SUV39H2: variants seen among roughly 807,000 people sequenced by gnomAD.
SUV39H2 encodes the protein histone-lysine N-methyltransferase SUV39H2.
A neutral mutation model predicts 47.5 loss-of-function variants in SUV39H2; 10 were observed. That is an observed-to-expected ratio of 0.21 (90% CI 0.13 to 0.36). The LOEUF is 0.36. Ranked by LOEUF, SUV39H2 falls within the 10% of genes least tolerant of loss-of-function variation. SUV39H2 has a pLI of 1.00. For synonymous variants in SUV39H2, 159 were observed against 166.8 expected (o/e 0.95, Z 0.36); for missense variants, 266 against 487.4 (o/e 0.55, Z 4.28).
At chr10:14,901,306 G>A in intron 5 of SUV39H2, 44 bp downstream of exon 5, 4 of 1,610,444 alleles carry the variant, frequency 2.5e-6, no homozygotes, top group Non-Finnish European at 3.4e-6. Flanking sequence ...GTTTCAATAT[G>A]AAGAATCAAA....
chr10:14,883,098 A>C lies in SUV39H2; in HGVS notation c.177+1453A>C, dbSNP rs193230691. Among the ~76,000 whole-genome samples the C allele has an allele frequency of 5.8e-3, 881 of 151,868 alleles. 22 individuals are homozygous for C. The highest frequency in any genetic ancestry group is 0.051 in the Admixed American group (779 of 15,274). ...TGGCCAGGCTGGTCTCAAACTCCTG[A>C]CCTCATGATCTGCCCGCCTTGGCCT... On this transcript the variant is annotated intron_variant, in intron 2 of 5. Transcript: ENST00000354919.
In SUV39H2 at chr10:14,894,602, C is replaced by T. The variant is rs1302497468; in HGVS notation, c.178-2244C>T. Among the ~76,000 whole-genome samples, 7 of 57,840 alleles carry T rather than the reference C, an allele frequency of 1.2e-4. 2 individuals are homozygous for T. The highest frequency in any genetic ancestry group is 1.2e-3 in the East Asian group (2 of 1,656). The allele number at this position is 57,840 out of a possible 152,430, so 37.9% of individuals were successfully genotyped here. A position where few individuals can be genotyped will look rare whatever the true frequency, so the allele number is the denominator to read the frequency against. On this transcript the variant is annotated intron_variant, in intron 2 of 5. Transcript: ENST00000354919. Reference sequence around the variant, plus strand: ...CAAGATGGTCTCGATCTCCTGACCTCGTGATCCGCCCGCCTCGGCCTCCCA... The same window carrying T: ...CAAGATGGTCTCGATCTCCTGACCTTGTGATCCGCCCGCCTCGGCCTCCCA...
At chr10:14,892,751 C>T (rs185468355) in intron 2 of SUV39H2, among the ~76,000 whole-genome samples, 34 of 152,130 alleles carry the variant, frequency 2.2e-4, no homozygotes, top group African/African-American at 1.9e-4. Context: ...CGTTCATATA[C>T]TTATTATAGA....
In SUV39H2 at chr10:14,894,529, G is replaced by A. The variant is rs1480488169; in HGVS notation, c.178-2317G>A. On this transcript the variant is annotated intron_variant, in intron 2 of 5. Coordinates refer to ENST00000354919, the MANE Select transcript of SUV39H2 (RefSeq NM_001193424.2). Reference sequence around the variant, plus strand: ...ACTACAGGCGCCCGCCACCACGCCCGGCTAATTTTTTGTATTTTTAGTAGA... The same window carrying A: ...ACTACAGGCGCCCGCCACCACGCCCAGCTAATTTTTTGTATTTTTAGTAGA... Among the ~76,000 whole-genome samples, 4 of 112,470 alleles carry A rather than the reference G, an allele frequency of 3.6e-5. 1 individual carries two copies. Among genetic ancestry groups the A allele is most frequent in the Non-Finnish European group, 6.7e-5 (4 of 59,736 alleles). The allele number at this position is 112,470 out of a possible 152,430, so 73.8% of individuals were successfully genotyped here.
At chr10:14,882,725 A>G (rs1401003021) in intron 2 of SUV39H2, among the ~76,000 whole-genome samples, 1 of 152,150 alleles carries the variant, frequency 6.6e-6, no homozygotes, top group African/African-American at 2.4e-5. Flanking sequence ...TTTCTGCTGA[A>G]GACCTCCTAC....
At chr10:14,896,783 T>A (rs1373244043) in intron 2 of SUV39H2, 63 bp from the exon 3 acceptor site, 2 of 1,385,688 alleles carry the variant, frequency 1.4e-6, no homozygotes, top group Non-Finnish European at 1.9e-6. Flanking sequence ...GATTTTTAAT[T>A]ATTTTTGGTA....
chr10:14,886,001 A>T (rs1236982978), intron 2 of SUV39H2, among the ~76,000 whole-genome samples: 1 of 152,172 alleles, frequency 6.6e-6, no homozygotes, highest in African/African-American at 2.4e-5. Flanking sequence ...GTTCTTTATC[A>T]TCTGGCCACC....
chr10:14,896,311 A>G (rs757209328), intron 2 of SUV39H2, among the ~76,000 whole-genome samples: 12 of 152,224 alleles, frequency 7.9e-5, no homozygotes, highest in Non-Finnish European at 1.8e-4. Context: ...CAGTAGCTGT[A>G]TGTGGCTCGT....
chr10:14,878,935 G>T lies in SUV39H2; in HGVS notation c.31+16G>T, dbSNP rs574513663. 4 of 1,461,294 alleles carry T rather than the reference G, an allele frequency of 2.7e-6. No individual in the cohort carries two copies. In the East Asian group the frequency reaches 9.0e-5, roughly 33 times the overall value. 90.5% of individuals were successfully genotyped at this position (1,461,294 alleles called of 1,614,324 possible). A position where few individuals can be genotyped will look rare whatever the true frequency, so the allele number is the denominator to read the frequency against. ...GCGCGAGGAGGTGAGGCTGGAGCGC[G>T]GCCCCCTCGCCTTCCCTGTTCCCAG... On this transcript the variant is annotated intron_variant, in intron 1 of 5. Transcript: ENST00000354919.
Position 14,888,622 on chromosome 10 carries a change from G to A in SUV39H2, c.177+6977G>A, listed in dbSNP as rs1485420970. ...CTGCACTCCAACCTGGTGACAGAGCGAGACTCGGTCTCAAAAAAAAAAAGA... is the reference window on the plus strand; with the variant it reads ...CTGCACTCCAACCTGGTGACAGAGCAAGACTCGGTCTCAAAAAAAAAAAGA... On this transcript the variant is annotated intron_variant, in intron 2 of 5. Coordinates refer to ENST00000354919, the MANE Select transcript of SUV39H2 (RefSeq NM_001193424.2). 3.3e-5 allele frequency among the ~76,000 whole-genome samples: 5 copies of A among 151,470 alleles called. No individual in the cohort carries two copies. The East Asian group carries it at 7.7e-4, about 23-fold the overall frequency.
intron 3 of SUV39H2, chr10:14,899,184 G>A (rs1163193549): frequency 1.4e-6 from 1 of 701,706 alleles, no homozygotes; most frequent in Non-Finnish European, 2.6e-6. Flanking sequence ...AGCTGGGCAT[G>A]GCGGTATGCA....
At chr10:14,880,329 G>A (rs1249865222) in intron 1 of SUV39H2, among the ~76,000 whole-genome samples, 1 of 152,156 alleles carries the variant, frequency 6.6e-6, no homozygotes, top group Non-Finnish European at 1.5e-5. Flanking sequence ...GAAAGGGGCC[G>A]GAAAAGTTAT....
intron 2 of SUV39H2, among the ~76,000 whole-genome samples, chr10:14,885,760 T>G (rs545148567): frequency 6.6e-6 from 1 of 152,302 alleles, no homozygotes; most frequent in Admixed American, 6.5e-5. Flanking sequence ...TTTCTTCTCT[T>G]TCTCTTTCTT....
chr10:14,900,456 G>T (rs1203995965), intron 4 of SUV39H2, among the ~76,000 whole-genome samples: 4 of 152,154 alleles, frequency 2.6e-5, no homozygotes, highest in Non-Finnish European at 5.9e-5. Context: ...TAAGAAATTG[G>T]TGTATGATTA....
chr10:14,894,525 G>A lies in SUV39H2; in HGVS notation c.178-2321G>A, dbSNP rs1294912328. ...TGGGACTACAGGCGCCCGCCACCACGCCCGGCTAATTTTTTGTATTTTTAG... is the reference window on the plus strand; with the variant it reads ...TGGGACTACAGGCGCCCGCCACCACACCCGGCTAATTTTTTGTATTTTTAG... On this transcript the variant is annotated intron_variant, in intron 2 of 5. Transcript: ENST00000354919. 2.7e-5 allele frequency among the ~76,000 whole-genome samples: 3 copies of A among 112,550 alleles called. 1 individual carries two copies. The highest frequency in any genetic ancestry group is 1.0e-4 in the African/African-American group (2 of 19,984). 73.8% of individuals were successfully genotyped at this position (112,550 alleles called of 152,430 possible). A position where few individuals can be genotyped will look rare whatever the true frequency, so the allele number is the denominator to read the frequency against.
At chr10:14,882,263 G>T (rs1279221177) in intron 2 of SUV39H2, among the ~76,000 whole-genome samples, 1 of 152,174 alleles carries the variant, frequency 6.6e-6, no homozygotes, top group African/African-American at 2.4e-5. Context: ...TCTGTCTATA[G>T]CCTACCTCAC....
rs548507757 is a variant in SUV39H2 at position 14,895,280 on chromosome 10, G to A, written c.178-1566G>A. Among the ~76,000 whole-genome samples, 510 of 151,640 alleles carry A rather than the reference G, an allele frequency of 3.4e-3. 2 individuals are homozygous for A. The highest frequency in any genetic ancestry group is 5.3e-3 in the Non-Finnish European group (359 of 67,920). ...CAACCTCCTCCTCCTGGGTTCAGGC[G>A]ATTCTCCTGCCTCAGCCTCCCAAGT... On this transcript the variant is annotated intron_variant, in intron 2 of 5. Coordinates refer to ENST00000354919, the MANE Select transcript of SUV39H2 (RefSeq NM_001193424.2).
chr10:14,880,443 G>C (rs1833009221), intron 1 of SUV39H2, among the ~76,000 whole-genome samples: 1 of 152,190 alleles, frequency 6.6e-6, no homozygotes, highest in South Asian at 2.1e-4. Context: ...TTTACTGATA[G>C]ATTTTGTTTG....
Position 14,902,506 on chromosome 10 carries a change from C to G in SUV39H2, c.1227C>G (p.Leu409=). 1 of 1,568,772 alleles carries G rather than the reference C, an allele frequency of 6.4e-7. No individual in the cohort carries two copies. The change falls in exon 6 of 6, where the codon CTC becomes CTG. Residue 409 remains leucine, a synonymous_variant. Coordinates refer to ENST00000354919, the MANE Select transcript of SUV39H2 (RefSeq NM_001193424.2). ...GAGCTGTGACTTGCAGAGGTTACCT[C>G]AACTGAACTTTTTCAGGAAATAGAG... The part of the protein sequence containing the change: ...KCGAVTCRGY[L]N
Sources: allele counts gnomAD v4.1 joint callset (sites outside exome capture counted in the v4.1 genomes callset), GRCh38; gene constraint gnomAD v4.1.1; transcripts MANE v1.5; gene names NCBI Gene and HGNC (gene_info 2026-07-23, HGNC 2026-07-21).